LRRC4C: variants seen among roughly 807,000 people sequenced by gnomAD.
LRRC4C encodes the protein leucine rich repeat containing 4C.
LRRC4C carries 5 observed loss-of-function variants against 33.6 expected under a neutral mutation model. That is an observed-to-expected ratio of 0.15 (90% confidence interval 0.08 to 0.31). The LOEUF (loss-of-function observed/expected upper bound fraction) is 0.31, where lower values mean the gene tolerates loss of function less well. LRRC4C is among the 10% of genes least tolerant of loss of function. The pLI is 1.00. For missense variants in LRRC4C, 560 were observed against 796.7 expected (o/e 0.70, Z 3.58); for synonymous variants, 329 against 302.0 (o/e 1.09, Z -0.93).
intron 3 of LRRC4C, among the ~76,000 whole-genome samples, chr11:40,594,630 A>G (rs1485431442): frequency 6.6e-6 from 1 of 152,178 alleles, no homozygotes; most frequent in Non-Finnish European, 1.5e-5. Context: ...AAAAAAATAG[A>G]GGTTAAGCAG....
intron 1 of LRRC4C, among the ~76,000 whole-genome samples, chr11:41,030,684 G>T (rs1357169530): frequency 6.6e-6 from 1 of 151,742 alleles, no homozygotes; most frequent in African/African-American, 2.4e-5. Flanking sequence ...CATCGTGTTT[G>T]ATTTCAAGAT....
At chr11:40,840,706 G>A (rs1952872754) in intron 2 of LRRC4C, among the ~76,000 whole-genome samples, 1 of 152,194 alleles carries the variant, frequency 6.6e-6, no homozygotes, top group East Asian at 1.9e-4. Flanking sequence ...AGCTGTCCAT[G>A]TTTGACTTTA....
At chr11:41,082,710 C>A (rs1939670730) in intron 1 of LRRC4C, among the ~76,000 whole-genome samples, 1 of 152,154 alleles carries the variant, frequency 6.6e-6, no homozygotes, top group South Asian at 2.1e-4. Flanking sequence ...CTTCTATACA[C>A]TCCTTCCTTG....
At chr11:41,321,223 CAG>C (rs1438532278) in intron 1 of LRRC4C, among the ~76,000 whole-genome samples, 17 of 152,128 alleles carry the variant, frequency 1.1e-4, no homozygotes, top group Admixed American at 3.3e-4. Flanking sequence ...AGAATAAAAA[CAG>C]GGGGCAGAGA....
intron 2 of LRRC4C, among the ~76,000 whole-genome samples, chr11:40,892,193 G>C (rs1356883819): frequency 2.0e-5 from 3 of 149,110 alleles, no homozygotes; most frequent in Non-Finnish European, 3.0e-5. Flanking sequence ...ACTAAAATTA[G>C]AGTATCATAT....
At chr11:41,458,343 C>G (rs534824289) in intron 1 of LRRC4C, among the ~76,000 whole-genome samples, 13 of 152,244 alleles carry the variant, frequency 8.5e-5, no homozygotes, top group Non-Finnish European at 1.6e-4. Flanking sequence ...CATGTGAGGT[C>G]TCAGCATTTT....
intron 2 of LRRC4C, among the ~76,000 whole-genome samples, chr11:40,823,900 A>T (rs1482326228): frequency 1.3e-5 from 2 of 151,960 alleles, no homozygotes; most frequent in Non-Finnish European, 2.9e-5. Context: ...AGCATGATTC[A>T]TAATAGCCCA....
At chr11:40,760,800 TACAC>T (rs796080368) in intron 2 of LRRC4C, among the ~76,000 whole-genome samples, 13 of 52,872 alleles carry the variant, frequency 2.5e-4, no homozygotes, top group East Asian at 1.6e-3. Context: ...TATATATATA[TACAC>T]ACACACACAC....
intron 4 of LRRC4C, among the ~76,000 whole-genome samples, chr11:40,245,658 A>G (rs1419077099): frequency 6.6e-6 from 1 of 152,134 alleles, no homozygotes; most frequent in Non-Finnish European, 1.5e-5. Flanking sequence ...GATAAAATTG[A>G]TTTTATCATC....
intron 3 of LRRC4C, among the ~76,000 whole-genome samples, chr11:40,524,809 A>G (rs918974358): frequency 5.3e-5 from 8 of 152,214 alleles, no homozygotes; most frequent in Non-Finnish European, 7.3e-5. Flanking sequence ...AAAGAAACAG[A>G]TATGGTCCTA....
intron 3 of LRRC4C, among the ~76,000 whole-genome samples, chr11:40,476,328 A>C (rs1590857668): frequency 7.8e-6 from 1 of 128,834 alleles, no homozygotes. Context: ...TAATGAGTGC[A>C]CATTTTTTTT....
intron 1 of LRRC4C, among the ~76,000 whole-genome samples, chr11:41,270,994 A>C (rs1028915998): frequency 6.6e-6 from 1 of 151,872 alleles, no homozygotes; most frequent in Non-Finnish European, 1.5e-5. Context: ...CTATAAATCA[A>C]ATCATTGGAT....
At chr11:40,442,859 G>A (rs564353617) in intron 3 of LRRC4C, among the ~76,000 whole-genome samples, 22 of 152,258 alleles carry the variant, frequency 1.4e-4, no homozygotes, top group African/African-American at 4.8e-4. Flanking sequence ...ATGACCATCA[G>A]TATATGTTTC....
At chr11:40,148,067 T>C (rs1258380807) in intron 5 of LRRC4C, among the ~76,000 whole-genome samples, 2 of 152,168 alleles carry the variant, frequency 1.3e-5, no homozygotes, top group African/African-American at 4.8e-5. Flanking sequence ...ATACTATGGC[T>C]GCATAGTATT....
chr11:40,356,550 T>A (rs1390312278), intron 3 of LRRC4C, among the ~76,000 whole-genome samples: 1 of 152,196 alleles, frequency 6.6e-6, no homozygotes. Context: ...CACTCCTTAT[T>A]AGACAATAAG....
intron 1 of LRRC4C, among the ~76,000 whole-genome samples, chr11:41,020,424 G>C (rs564466493): frequency 2.6e-5 from 4 of 152,220 alleles, no homozygotes; most frequent in Admixed American, 6.5e-5. Context: ...AGAGCATACT[G>C]GAACGGGTGG....
intron 1 of LRRC4C, among the ~76,000 whole-genome samples, chr11:41,168,971 C>T (rs1310934095): frequency 1.3e-5 from 2 of 152,064 alleles, no homozygotes; most frequent in South Asian, 2.1e-4. Context: ...CGCCATTCTT[C>T]GCAAGGAGAT....
chr11:41,335,441 C>T (rs570623985), intron 1 of LRRC4C, among the ~76,000 whole-genome samples: 3 of 152,274 alleles, frequency 2.0e-5, no homozygotes, highest in South Asian at 2.1e-4. Flanking sequence ...GTCAAAAATA[C>T]TACCTGTCCA....
At chr11:41,021,198 AGAGAGAGAGAGAGAGAGTGT>A (rs1422777494) in intron 1 of LRRC4C, among the ~76,000 whole-genome samples, 32 of 34,548 alleles carry the variant, frequency 9.3e-4, no homozygotes, top group African/African-American at 2.2e-3. Flanking sequence ...AGAGAGAGAG[AGAGAGAGAGAGAGAGAGTGT>A]GTGTGTGTGT....
Sources: allele counts gnomAD v4.1 joint callset (sites outside exome capture counted in the v4.1 genomes callset), GRCh38; gene constraint gnomAD v4.1.1; transcripts MANE v1.5; gene names NCBI Gene and HGNC (gene_info 2026-07-23, HGNC 2026-07-21).